Variants in AKR1C1 observed in about 807,000 individuals in gnomAD.
The protein encoded by AKR1C1 is 20 alpha-hydroxysteroid dehydrogenase.
In AKR1C1, 32 loss-of-function variants were observed where a neutral mutation model predicts 40.6. The ratio of observed to expected loss-of-function variants is 0.79; its 90% CI spans 0.60 to 1.06. The LOEUF (loss-of-function observed/expected upper bound fraction) is 1.06. Ranked by LOEUF, AKR1C1 falls within the 50% of genes least tolerant of loss-of-function variation. AKR1C1 has a pLI of 0.00. For missense variants in AKR1C1, 320 were observed against 363.5 expected, an observed-to-expected ratio of 0.88 and a Z score of 0.97; for synonymous variants, 105 against 134.2, an observed-to-expected ratio of 0.78 and a Z score of 1.50.
intron 2 of AKR1C1, 139 bp from the exon 3 acceptor site, chr10:4,966,788 A>G: frequency 1.5e-6 from 1 of 657,062 alleles, no homozygotes; most frequent in Non-Finnish European, 2.7e-6. Flanking sequence ...AACAAAAGGC[A>G]TCACAAGAAG....
At position 4,977,968 on chromosome 10, in the gene AKR1C1, T is replaced by G; in HGVS notation, c.*226T>G. 1 of 600,664 alleles carries G rather than the reference T, an allele frequency of 1.7e-6. No individual in the cohort carries two copies. The highest frequency in any genetic ancestry group is 2.8e-6 in the Non-Finnish European group (1 of 351,546). The allele number at this position is 600,664 out of a possible 1,614,324, so 37.2% of individuals were successfully genotyped here. ...TCTCTCCTAAAGATTCTTCACCTACTTTGGTCTCCATAACTTCTATGTTTT... is the reference window on the plus strand; with the variant it reads ...TCTCTCCTAAAGATTCTTCACCTACGTTGGTCTCCATAACTTCTATGTTTT... On this transcript the variant is annotated 3_prime_UTR_variant, in exon 9 of 9. Coordinates refer to ENST00000380872, the MANE Select transcript of AKR1C1 (RefSeq NM_001353.6).
chr10:4,975,317 G>A (rs1836510491), intron 7 of AKR1C1, among the ~76,000 whole-genome samples: 1 of 152,096 alleles, frequency 6.6e-6, no homozygotes, highest in Non-Finnish European at 1.5e-5. Context: ...TAGAAAGAGT[G>A]ACATCTTTTT....
intron 5 of AKR1C1, 98 bp downstream of exon 5, chr10:4,969,042 A>G (rs1836381254): frequency 4.4e-6 from 7 of 1,589,276 alleles, no homozygotes; most frequent in Admixed American, 1.7e-5. Context: ...ATCTTTGTAA[A>G]AGAGAAGATT....
intron 3 of AKR1C1, chr10:4,967,430 C>A: frequency 1.0e-6 from 1 of 1,003,222 alleles, no homozygotes; most frequent in Non-Finnish European, 1.2e-6. Flanking sequence ...GAGTTTCCAT[C>A]TTCTTGCCTC....
chr10:4,974,621 T>A (rs561396859), intron 7 of AKR1C1, among the ~76,000 whole-genome samples: 1 of 152,226 alleles, frequency 6.6e-6, no homozygotes, highest in South Asian at 2.1e-4. Context: ...GATCCAAATA[T>A]GCATATCTAA....
intron 1 of AKR1C1, 121 bp from the exon 2 acceptor site, chr10:4,965,793 C>G (rs1474279489): frequency 2.6e-5 from 31 of 1,181,298 alleles, no homozygotes; most frequent in Non-Finnish European, 3.4e-5. Context: ...GCTCATGATT[C>G]TACATACAGA....
At chr10:4,969,966 C>T (rs1470362073) in intron 5 of AKR1C1, 3 of 445,422 alleles carry the variant, frequency 6.7e-6, no homozygotes, top group African/African-American at 6.0e-5. Context: ...ACTAGTAGTT[C>T]CCCAATTTTT....
Position 4,982,258 on chromosome 10 carries a change from A to C in AKR1C1, c.*4516A>C, listed in dbSNP as rs1588568630. The C allele has an allele frequency of 6.6e-6, 1 of 152,144 alleles. No homozygotes were observed. 9.4% of individuals were successfully genotyped at this position (152,144 alleles called of 1,614,324 possible). On this transcript the variant is annotated 3_prime_UTR_variant, in exon 9 of 9. Transcript: ENST00000380872. ...AAGGCCACAGGTGTCTCACGACCTG[A>C]CCTCATAAAGCCATCTAGTGGATGT...
intron 2 of AKR1C1, among the ~76,000 whole-genome samples, chr10:4,966,430 A>T (rs1398409313): frequency 6.6e-6 from 1 of 152,118 alleles, no homozygotes; most frequent in African/African-American, 2.4e-5. Context: ...AGTTTCCATT[A>T]TTATGTTGAT....
At chr10:4,974,922 A>G (rs1836502531) in intron 7 of AKR1C1, among the ~76,000 whole-genome samples, 1 of 152,102 alleles carries the variant, frequency 6.6e-6, no homozygotes, top group South Asian at 2.1e-4. Flanking sequence ...ATTAACTTCC[A>G]CAAGCAAATA....
chr10:4,973,230 C>A (rs1274400556), intron 7 of AKR1C1, among the ~76,000 whole-genome samples: 1 of 151,190 alleles, frequency 6.6e-6, no homozygotes, highest in Non-Finnish European at 1.5e-5. Flanking sequence ...ATATTTATAC[C>A]AATACCTTAG....
At chr10:4,969,497 A>G (rs1836389898) in intron 5 of AKR1C1, among the ~76,000 whole-genome samples, 1 of 133,984 alleles carries the variant, frequency 7.5e-6, no homozygotes, top group Non-Finnish European at 1.6e-5. Context: ...AGAAAGAGAA[A>G]ATAACCTGTT....
At chr10:4,966,517 A>T (rs1458821967) in intron 2 of AKR1C1, among the ~76,000 whole-genome samples, 1 of 152,256 alleles carries the variant, frequency 6.6e-6, no homozygotes, top group Non-Finnish European at 1.5e-5. Context: ...AATTGTGTCC[A>T]GCCCAAGTTG....
rs573515622 is a variant in AKR1C1, at chr10:4,976,259, T to G, written c.929+326T>G. ...TGTCTAGTGTACACACTGTGGATAT[T>G]GCCCATGTGGTCGCATTAGATGTTT... On this transcript the variant is annotated intron_variant, in intron 8 of 8. Transcript: ENST00000380872. Among the ~76,000 whole-genome samples, 442 of 151,536 alleles carry G rather than the reference T, an allele frequency of 2.9e-3. 1 individual carries two copies. The highest frequency in any genetic ancestry group is 0.014 in the Middle Eastern group (4 of 294).
rs371572753 is a variant in AKR1C1, at chr10:4,968,692, C to G, written c.448-130C>G. On this transcript the variant is annotated intron_variant, in intron 4 of 8. Transcript: ENST00000380872. ...AATCACTATCTTCTTCCCCAATTTT[C>G]TGTTTTATTTTTTCCCTTTTAAGAA... 619 of 1,449,000 alleles carry G rather than the reference C, an allele frequency of 4.3e-4. 5 individuals are homozygous for G. In the African/African-American group the frequency reaches 8.2e-3, roughly 19 times the overall value. 89.8% of individuals were successfully genotyped at this position (1,449,000 alleles called of 1,614,324 possible). A position where few individuals can be genotyped will look rare whatever the true frequency, so the allele number is the denominator to read the frequency against.
chr10:4,967,200 A>G (rs1564315359), intron 3 of AKR1C1, 157 bp downstream of exon 3: 12 of 987,548 alleles, frequency 1.2e-5, no homozygotes, highest in Non-Finnish European at 1.7e-5. Flanking sequence ...TCTATGGGAT[A>G]CATTTTGAAT....
chr10:4,964,154 A>G lies in AKR1C1; in HGVS notation c.84+626A>G, dbSNP rs148643383. 9.6e-4 allele frequency among the ~76,000 whole-genome samples: 146 copies of G among 152,288 alleles called. 1 individual carries two copies. In the East Asian group the frequency reaches 0.026, roughly 27 times the overall value. The stretch of plus-strand genomic sequence containing the variant: ...TGTATCAAAATATTGTAACAGAAAA[A>G]TTTCTTGTTTCTCTGACAGGAAAAT... On this transcript the variant is annotated intron_variant, in intron 1 of 8. Transcript: ENST00000380872.
At chr10:4,964,595 T>C (rs1362257535) in intron 1 of AKR1C1, among the ~76,000 whole-genome samples, 3 of 152,184 alleles carry the variant, frequency 2.0e-5, no homozygotes, top group Admixed American at 6.5e-5. Flanking sequence ...GTTTCTGTTT[T>C]TGTCATTTAA....
rs1178471389 is a variant in AKR1C1, at chr10:4,972,634, T to C, written c.731T>C (p.Leu244Ser). The C allele has an allele frequency of 6.2e-7, 1 of 1,613,478 alleles. No homozygotes were observed. The highest frequency in any genetic ancestry group is 8.5e-7 in the Non-Finnish European group (1 of 1,180,032). ...VLLEDPVLCA[L>S]AKKHKRTPAL... ...TTGGAGGACCCAGTCCTTTGTGCCT[T>C]GGCAAAAAAGCACAAGCGAACCCCA... Residue 244 changes from leucine to serine, a missense_variant, in exon 7 of 9, where the codon TTG becomes TCG. Around this residue, in one of 3 missense-constraint regions of AKR1C1, gnomAD observed 77 missense variants for 125.3 expected, o/e 0.61. Transcript: ENST00000380872.
Sources: allele counts gnomAD v4.1 joint callset (sites outside exome capture counted in the v4.1 genomes callset), GRCh38; gene constraint gnomAD v4.1.1; regional missense constraint gnomAD v4.1.1; transcripts MANE v1.5; gene names NCBI Gene and HGNC (gene_info 2026-07-23, HGNC 2026-07-21).